The following CDC42BPA variants were observed in gnomAD, a reference collection of about 807,000 sequenced individuals.
CDC42BPA encodes serine/threonine-protein kinase MRCK alpha.
A neutral mutation model predicts 223.5 loss-of-function variants in CDC42BPA; 80 were observed. The ratio of observed to expected loss-of-function variants is 0.36; its 90% CI spans 0.30 to 0.43. The LOEUF is 0.43. CDC42BPA is among the 20% of genes least tolerant of loss of function. The probability of loss-of-function intolerance (pLI) is 1.00; values close to 1 mark genes in which losing one functional copy is unlikely to be tolerated. For synonymous variants in CDC42BPA, 694 were observed against 718.6 expected, an observed-to-expected ratio of 0.97 and a Z score of 0.55; for missense variants, 1,743 against 2,099.9, an observed-to-expected ratio of 0.83 and a Z score of 3.32.
At chr1:227,262,056 T>A (rs924061289) in intron 1 of CDC42BPA, among the ~76,000 whole-genome samples, 11 of 148,974 alleles carry the variant, frequency 7.4e-5, no homozygotes, top group Non-Finnish European at 1.3e-4. Flanking sequence ...TGAAAAAAAA[T>A]TAAACTAAAT....
chr1:227,205,286 ATATAT>A (rs1558757845), intron 3 of CDC42BPA, among the ~76,000 whole-genome samples: 954 of 85,500 alleles, frequency 0.011, 11 homozygotes, highest in African/African-American at 0.03. Context: ...AAAAAAAAAT[ATATAT>A]ATATATATAT....
At position 227,017,804 on chromosome 1, in the gene CDC42BPA, T is replaced by C. The variant is rs112191118; in HGVS notation, c.4616-754A>G. On this transcript the variant is annotated intron_variant, in intron 32 of 36. Coordinates refer to ENST00000366766, the MANE Select transcript of CDC42BPA (RefSeq NM_001394014.1). The stretch of plus-strand genomic sequence containing the variant: ...AGAAAAAAATAGACAACTGTATCCA[T>C]ATAACACAACAAATGGTGTCATTAT... 1.6e-3 allele frequency among the ~76,000 whole-genome samples: 238 copies of C among 152,098 alleles called. 1 individual carries two copies. The highest frequency in any genetic ancestry group is 5.3e-3 in the African/African-American group (220 of 41,536).
intron 1 of CDC42BPA, among the ~76,000 whole-genome samples, chr1:227,258,709 T>C (rs573695839): frequency 1.3e-5 from 2 of 151,124 alleles, no homozygotes; most frequent in East Asian, 3.9e-4. Context: ...GAAAAAAAAC[T>C]GATTATACGT....
Position 227,007,645 on chromosome 1 carries a change from A to G in CDC42BPA, c.4858-2534T>C, listed in dbSNP as rs1664355178. 2.0e-5 allele frequency among the ~76,000 whole-genome samples: 3 copies of G among 152,206 alleles called. No individual in the cohort carries two copies. The South Asian group carries it at 6.2e-4, about 32-fold the overall frequency. ...TCTGCCTAATTTTGCTGTTTCAAAA[A>G]CACAATCTTTTCTCATCATTTCGGG... On this transcript the variant is annotated intron_variant, in intron 34 of 36. Coordinates refer to ENST00000366766, the MANE Select transcript of CDC42BPA (RefSeq NM_001394014.1).
intron 23 of CDC42BPA, among the ~76,000 whole-genome samples, chr1:227,042,141 G>C (rs186622519): frequency 4.3e-4 from 65 of 152,108 alleles, no homozygotes; most frequent in African/African-American, 1.6e-3. Context: ...ATACAAAGAA[G>C]GAAAAATTAA....
intron 10 of CDC42BPA, among the ~76,000 whole-genome samples, chr1:227,129,728 C>T (rs1656674369): frequency 9.0e-6 from 1 of 111,588 alleles, no homozygotes; most frequent in African/African-American, 3.6e-5. Flanking sequence ...AAAGAATCCA[C>T]CTTCTAATAA....
At chr1:227,033,525 A>T (rs1669698913) in intron 26 of CDC42BPA, 110 bp from the exon 27 acceptor site, 1 of 634,728 alleles carries the variant, frequency 1.6e-6, no homozygotes, top group Non-Finnish European at 2.8e-6. Flanking sequence ...CAAACACCCA[A>T]ATTTAATTTT....
intron 1 of CDC42BPA, among the ~76,000 whole-genome samples, chr1:227,286,306 G>T (rs1688793582): frequency 6.6e-6 from 1 of 152,178 alleles, no homozygotes. Flanking sequence ...TTGGTGCTTA[G>T]AAATTTCTTC....
chr1:227,048,429 T>C (rs570214695), intron 22 of CDC42BPA, among the ~76,000 whole-genome samples: 2 of 152,084 alleles, frequency 1.3e-5, no homozygotes, highest in South Asian at 2.1e-4. Context: ...TCAACTTTCA[T>C]ACATAGAACA....
At chr1:227,251,187 T>C (rs1681936606) in intron 2 of CDC42BPA, among the ~76,000 whole-genome samples, 1 of 151,826 alleles carries the variant, frequency 6.6e-6, no homozygotes, top group Non-Finnish European at 1.5e-5. Context: ...ACAATATATA[T>C]GTTGGGGTTT....
intron 34 of CDC42BPA, among the ~76,000 whole-genome samples, chr1:227,014,964 T>C (rs975207266): frequency 6.6e-6 from 1 of 152,160 alleles, no homozygotes; most frequent in Non-Finnish European, 1.5e-5. Flanking sequence ...TCCAATGTTG[T>C]ACTTTTTTTT....
At chr1:227,313,761 A>G (rs570323688) in intron 1 of CDC42BPA, among the ~76,000 whole-genome samples, 1 of 152,272 alleles carries the variant, frequency 6.6e-6, no homozygotes, top group South Asian at 2.1e-4. Context: ...TGTCATAAAA[A>G]AAAAGTGAAC....
intron 1 of CDC42BPA, among the ~76,000 whole-genome samples, chr1:227,287,512 CAAGTA>C (rs1479002379): frequency 1.3e-5 from 2 of 152,128 alleles, no homozygotes; most frequent in East Asian, 1.9e-4. Context: ...ATTCTCTTCA[CAAGTA>C]AAGTTTTAAC....
Position 227,005,039 on chromosome 1 carries a change from G to T in CDC42BPA, c.4930C>A (p.Pro1644Thr). 6.2e-7 allele frequency: 1 copy of T among 1,614,170 alleles called. No individual in the cohort carries two copies. The highest frequency in any genetic ancestry group is 8.5e-7 in the Non-Finnish European group (1 of 1,180,016). ...GCACTCATGGAGCGGCCTGGCTCAGGGCGGGATTTGGTGATAGATGGAATA... is the reference window on the plus strand; with the variant it reads ...GCACTCATGGAGCGGCCTGGCTCAGTGCGGGATTTGGTGATAGATGGAATA... ...VSIPSITKSR[P>T]EPGRSMSASS... Residue 1644 changes from proline (P) to threonine (T), a missense_variant, in exon 35 of 37, where the codon CCT becomes ACT. Coordinates refer to ENST00000366766, the MANE Select transcript of CDC42BPA (RefSeq NM_001394014.1).
intron 30 of CDC42BPA, among the ~76,000 whole-genome samples, chr1:227,028,243 T>G (rs184326255): frequency 1.7e-4 from 26 of 152,338 alleles, no homozygotes; most frequent in Non-Finnish European, 2.4e-4. Flanking sequence ...ACACCTCTTA[T>G]AGATGTTACA....
At chr1:227,281,371 G>A (rs1687991544) in intron 1 of CDC42BPA, among the ~76,000 whole-genome samples, 1 of 151,996 alleles carries the variant, frequency 6.6e-6, no homozygotes, top group African/African-American at 2.4e-5. Context: ...AAGCTCCTCA[G>A]AGCACAGCTC....
chr1:227,037,642 A>C (rs1286072256), intron 24 of CDC42BPA, among the ~76,000 whole-genome samples: 7 of 152,224 alleles, frequency 4.6e-5, no homozygotes, highest in African/African-American at 1.7e-4. Context: ...CATTTCCTTT[A>C]AGGTCCCTTC....
intron 25 of CDC42BPA, among the ~76,000 whole-genome samples, 154 bp downstream of exon 25, chr1:227,035,317 T>A (rs1301542156): frequency 6.6e-6 from 1 of 152,246 alleles, no homozygotes; most frequent in East Asian, 1.9e-4. Context: ...GGTTTTTGTT[T>A]GCAAATCATT....
At chr1:227,173,935 A>G (rs535494886) in intron 5 of CDC42BPA, among the ~76,000 whole-genome samples, 97 of 152,254 alleles carry the variant, frequency 6.4e-4, no homozygotes, top group African/African-American at 2.2e-3. Context: ...TCTAACTGGA[A>G]GGTTTCCTCT....
Sources: gnomAD v4.1 joint callset for allele counts (sites outside exome capture counted in the v4.1 genomes callset) on GRCh38, gnomAD v4.1.1 for gene constraint, MANE v1.5 for transcripts, NCBI Gene and HGNC (gene_info 2026-07-23, HGNC 2026-07-21) for gene names.